The following LRRIQ3 variants were observed in gnomAD, a reference collection of about 807,000 sequenced individuals.
LRRIQ3 encodes leucine rich repeats and IQ motif containing 3.
In LRRIQ3, 75 loss-of-function variants were observed where a neutral mutation model predicts 59.3. That is an observed-to-expected ratio of 1.26 (90% CI 1.05 to 1.53). LRRIQ3 has a LOEUF of 1.53. Ranked by LOEUF, LRRIQ3 falls within the 40% of genes most tolerant of loss-of-function variation. The pLI is 0.00. For synonymous variants in LRRIQ3, 250 were observed against 231.3 expected, an observed-to-expected ratio of 1.08 and a Z score of -0.73; for missense variants, 831 against 710.0, an observed-to-expected ratio of 1.17 and a Z score of -1.94.
At chr1:74,188,259 C>T (rs921565605) in intron 1 of LRRIQ3, among the ~76,000 whole-genome samples, 2 of 151,994 alleles carry the variant, frequency 1.3e-5, no homozygotes, top group African/African-American at 4.8e-5. Flanking sequence ...ACACTGGGGC[C>T]TACTAGAGGG....
chr1:74,157,542 C>T (rs1648410155), intron 3 of LRRIQ3, among the ~76,000 whole-genome samples: 1 of 151,940 alleles, frequency 6.6e-6, no homozygotes, highest in Admixed American at 6.6e-5. Flanking sequence ...TTGTTTCTCC[C>T]ACTTTCTTTT....
chr1:74,039,910 T>C (rs1323988530), intron 7 of LRRIQ3, among the ~76,000 whole-genome samples: 2 of 152,140 alleles, frequency 1.3e-5, no homozygotes, highest in African/African-American at 2.4e-5. Context: ...AGCATCATGA[T>C]GACAGGATCA....
At chr1:74,180,903 C>T (rs1443509517) in intron 3 of LRRIQ3, 2 of 981,500 alleles carry the variant, frequency 2.0e-6, no homozygotes, top group Non-Finnish European at 2.9e-6. Flanking sequence ...TGTGTTAATG[C>T]CTTACTTTCT....
At chr1:74,050,622 T>A in intron 6 of LRRIQ3, 2 of 976,304 alleles carry the variant, frequency 2.0e-6, no homozygotes, top group African/African-American at 3.5e-5. Flanking sequence ...ATAGCTGTGA[T>A]TTGAATGCTC....
chr1:74,186,722 T>C (rs755704822), intron 1 of LRRIQ3, among the ~76,000 whole-genome samples: 52 of 152,186 alleles, frequency 3.4e-4, no homozygotes, highest in Non-Finnish European at 6.5e-4. Context: ...GCTCATGATA[T>C]TACTTAATTC....
At chr1:74,190,245 T>G (rs568573383) in intron 1 of LRRIQ3, among the ~76,000 whole-genome samples, 227 of 152,220 alleles carry the variant, frequency 1.5e-3, no homozygotes, top group African/African-American at 5.4e-3. Flanking sequence ...ATTAATATGC[T>G]AATGGCTCTA....
intron 4 of LRRIQ3, among the ~76,000 whole-genome samples, chr1:74,147,848 T>A (rs1244081541): frequency 1.3e-5 from 2 of 152,200 alleles, no homozygotes; most frequent in African/African-American, 2.4e-5. Context: ...TAAGATGTTT[T>A]CAGCTATTAT....
chr1:74,183,038 C>A (rs776160431), intron 2 of LRRIQ3, 177 bp from the exon 3 acceptor site: 7 of 412,604 alleles, frequency 1.7e-5, no homozygotes, highest in Non-Finnish European at 3.0e-5. Flanking sequence ...CCATAATACA[C>A]TGGGTATCTG....
intron 3 of LRRIQ3, among the ~76,000 whole-genome samples, chr1:74,177,633 T>C (rs559512913): frequency 1.3e-5 from 2 of 152,104 alleles, no homozygotes; most frequent in East Asian, 3.9e-4. Flanking sequence ...GATATTAATA[T>C]GTTTATTACA....
chr1:74,033,883 A>G (rs542802706), intron 7 of LRRIQ3, among the ~76,000 whole-genome samples: 1 of 152,082 alleles, frequency 6.6e-6, no homozygotes, highest in South Asian at 2.1e-4. Flanking sequence ...CAAAATGGAC[A>G]CCCTGCTCTC....
At chr1:74,180,860 C>T (rs1323963502) in intron 3 of LRRIQ3, 4 of 1,449,088 alleles carry the variant, frequency 2.8e-6, no homozygotes, top group African/African-American at 1.4e-5. Context: ...TCCACCCTAG[C>T]TAATGTAGCC....
At chr1:74,160,026 C>T (rs1648569217) in intron 3 of LRRIQ3, among the ~76,000 whole-genome samples, 2 of 151,954 alleles carry the variant, frequency 1.3e-5, no homozygotes, top group East Asian at 3.9e-4. Context: ...ATTCAATTTC[C>T]CTCCACTCCA....
chr1:74,063,588 T>C (rs928664760), intron 6 of LRRIQ3, among the ~76,000 whole-genome samples: 1 of 152,106 alleles, frequency 6.6e-6, no homozygotes, highest in Non-Finnish European at 1.5e-5. Context: ...TGCATATATT[T>C]TTATATTTGT....
intron 4 of LRRIQ3, among the ~76,000 whole-genome samples, chr1:74,138,225 A>G (rs927981348): frequency 1.3e-4 from 19 of 151,886 alleles, no homozygotes; most frequent in Middle Eastern, 3.2e-3. Flanking sequence ...ACCTGGATGT[A>G]TGATTACAAG....
chr1:74,176,225 C>T (rs1237835087), intron 3 of LRRIQ3, among the ~76,000 whole-genome samples: 2 of 152,052 alleles, frequency 1.3e-5, no homozygotes, highest in African/African-American at 4.8e-5. Context: ...GGAATATTTT[C>T]ATTGTCATAG....
chr1:74,141,335 CTGA>C (rs1647247521), intron 4 of LRRIQ3, among the ~76,000 whole-genome samples: 1 of 151,562 alleles, frequency 6.6e-6, no homozygotes, highest in Non-Finnish European at 1.5e-5. Context: ...TACAAATAAG[CTGA>C]TGATTCTAAA....
chr1:74,107,144 G>A (rs185580028), intron 5 of LRRIQ3, among the ~76,000 whole-genome samples: 13 of 151,914 alleles, frequency 8.6e-5, no homozygotes, highest in Admixed American at 6.6e-4. Context: ...CTGTCTCTTC[G>A]CACTTTAGGT....
At chr1:74,142,274 C>T (rs543074803) in intron 4 of LRRIQ3, among the ~76,000 whole-genome samples, 1 of 152,038 alleles carries the variant, frequency 6.6e-6, no homozygotes, top group Admixed American at 6.6e-5. Context: ...ATAGTATCGC[C>T]AGTACTTCCA....
chr1:74,034,606 T>A (rs1385324143), intron 7 of LRRIQ3, among the ~76,000 whole-genome samples: 3 of 147,896 alleles, frequency 2.0e-5, no homozygotes, highest in African/African-American at 7.4e-5. Flanking sequence ...TTAAAATAAG[T>A]TATAGGAAAT....
Sources: gnomAD v4.1 joint callset for allele counts (sites outside exome capture counted in the v4.1 genomes callset) on GRCh38, gnomAD v4.1.1 for gene constraint, MANE v1.5 for transcripts, NCBI Gene and HGNC (gene_info 2026-07-23, HGNC 2026-07-21) for gene names.